Variants in FAM135A observed in about 807,000 individuals in gnomAD.
FAM135A encodes protein FAM135A.
A neutral mutation model predicts 146.8 loss-of-function variants in FAM135A; 79 were observed. The ratio of observed to expected loss-of-function variants is 0.54; its 90% confidence interval spans 0.45 to 0.65. The LOEUF (loss-of-function observed/expected upper bound fraction) is 0.65. FAM135A is among the 30% of genes least tolerant of loss of function. FAM135A has a pLI of 0.00. For synonymous variants in FAM135A, 562 were observed against 603.6 expected, an observed-to-expected ratio of 0.93 and a Z score of 1.01; for missense variants, 1,623 against 1,758.2, an observed-to-expected ratio of 0.92 and a Z score of 1.38.
chr6:70,483,152 C>A (rs1006082822), intron 10 of FAM135A, among the ~76,000 whole-genome samples: 2 of 152,102 alleles, frequency 1.3e-5, no homozygotes, highest in Admixed American at 1.3e-4. Flanking sequence ...AGAATTTCTA[C>A]CCCACTTAAA....
intron 7 of FAM135A, among the ~76,000 whole-genome samples, chr6:70,475,957 A>T (rs1782564765): frequency 6.6e-6 from 1 of 152,230 alleles, no homozygotes; most frequent in African/African-American, 2.4e-5. Context: ...GAAATATGGA[A>T]CAATTTTTCC....
In FAM135A at chr6:70,450,713, G is replaced by GTTTTTTTT. The variant is rs1192559967; in HGVS notation, c.78-1777_78-1776insTTTTTTTT. Among the ~76,000 whole-genome samples, 10 of 29,780 alleles carry GTTTTTTTT rather than the reference G, an allele frequency of 3.4e-4. 1 individual carries two copies. Among genetic ancestry groups the GTTTTTTTT allele is most frequent in the Non-Finnish European group, 9.8e-4 (10 of 10,200 alleles). The allele number at this position is 29,780 out of a possible 152,430, so 19.5% of individuals were successfully genotyped here. On this transcript the variant is annotated intron_variant, in intron 4 of 21. Coordinates refer to ENST00000418814, the MANE Select transcript of FAM135A (RefSeq NM_001162529.3). ...GAACTCAGGGAGTGTGACCCTTTTA[G>GTTTTTTTT]TTGTTTTTTTTTTTTTTTTTTTTTT...
chr6:70,498,119 T>A (rs1787724230), intron 11 of FAM135A, among the ~76,000 whole-genome samples: 1 of 152,172 alleles, frequency 6.6e-6, no homozygotes, highest in Non-Finnish European at 1.5e-5. Context: ...TTTTTTTGGT[T>A]GGTAGGCTGT....
At chr6:70,483,259 T>G (rs922868275) in intron 10 of FAM135A, among the ~76,000 whole-genome samples, 26 of 152,334 alleles carry the variant, frequency 1.7e-4, no homozygotes, top group African/African-American at 6.3e-4. Context: ...TCAGTTCAAC[T>G]CACACTTCTT....
chr6:70,533,961 C>A, intron 18 of FAM135A, 107 bp downstream of exon 18: 1 of 460,426 alleles, frequency 2.2e-6, no homozygotes, highest in Non-Finnish European at 3.6e-6. Flanking sequence ...TAGGAGACTA[C>A]AACTCAAATT....
intron 12 of FAM135A, among the ~76,000 whole-genome samples, chr6:70,516,952 T>A (rs1336168797): frequency 6.6e-6 from 1 of 152,174 alleles, no homozygotes; most frequent in Non-Finnish European, 1.5e-5. Flanking sequence ...AATGATGCAT[T>A]ATTTACTCAA....
intron 2 of FAM135A, among the ~76,000 whole-genome samples, chr6:70,416,129 T>C (rs1767502144): frequency 6.6e-6 from 1 of 152,188 alleles, no homozygotes; most frequent in Non-Finnish European, 1.5e-5. Context: ...TAGATAGATG[T>C]ACCAAATAAA....
chr6:70,445,247 G>A (rs1486505852), intron 4 of FAM135A, among the ~76,000 whole-genome samples: 14 of 152,184 alleles, frequency 9.2e-5, no homozygotes, highest in Admixed American at 8.5e-4. Context: ...TCAGCAGCAG[G>A]AATGAGTAGT....
rs755905667 is a variant in FAM135A, at chr6:70,522,503, A to G, written c.1030-10A>G. The stretch of plus-strand genomic sequence containing the variant: ...TCATGTTATTAATACTCTCCTTTGG[A>G]ATTTTTTAGGTACGCAGATTTTCTG... On this transcript the variant is annotated splice_polypyrimidine_tract_variant and intron_variant, in intron 12 of 21. Transcript: ENST00000418814. The G allele has an allele frequency of 1.9e-6, 3 of 1,612,142 alleles. No homozygotes were observed. Among genetic ancestry groups the G allele is most frequent in the South Asian group, 1.1e-5 (1 of 90,858 alleles).
intron 2 of FAM135A, among the ~76,000 whole-genome samples, chr6:70,420,911 C>T (rs754065983): frequency 3.3e-5 from 5 of 151,274 alleles, no homozygotes; most frequent in African/African-American, 1.2e-4. Flanking sequence ...GAGACAGAGT[C>T]TTACTGTGTC....
chr6:70,506,470 A>T (rs1022785543), intron 12 of FAM135A, among the ~76,000 whole-genome samples: 1 of 152,134 alleles, frequency 6.6e-6, no homozygotes, highest in African/African-American at 2.4e-5. Context: ...CATGGATGGT[A>T]TATGAATAAG....
intron 20 of FAM135A, among the ~76,000 whole-genome samples, chr6:70,553,871 A>G (rs556352006): frequency 6.6e-6 from 1 of 152,358 alleles, no homozygotes; most frequent in East Asian, 1.9e-4. Flanking sequence ...TGTACTACAT[A>G]TGAAGCAAGC....
intron 8 of FAM135A, among the ~76,000 whole-genome samples, chr6:70,479,093 A>G (rs1375334987): frequency 1.3e-5 from 2 of 152,112 alleles, no homozygotes; most frequent in South Asian, 2.1e-4. Context: ...TGTTTTAACT[A>G]TTTCTTTTTA....
chr6:70,455,430 A>G (rs904763181), intron 5 of FAM135A, among the ~76,000 whole-genome samples: 13 of 151,702 alleles, frequency 8.6e-5, no homozygotes, highest in African/African-American at 2.7e-4. Context: ...ATACATGTGT[A>G]TGTGTGTGTA....
At chr6:70,511,647 C>CACTTGTACAG (rs2128294242) in intron 12 of FAM135A, among the ~76,000 whole-genome samples, 1 of 151,984 alleles carries the variant, frequency 6.6e-6, no homozygotes, top group South Asian at 2.1e-4. Context: ...GTTGTATAAA[C>CACTTGTACAG]ACTTGTACAG....
chr6:70,474,331 T>G (rs1339163709), intron 5 of FAM135A, among the ~76,000 whole-genome samples: 1 of 152,074 alleles, frequency 6.6e-6, no homozygotes, highest in Non-Finnish European at 1.5e-5. Flanking sequence ...GGTAATAAGA[T>G]CATAACAGCA....
intron 10 of FAM135A, chr6:70,486,351 A>G (rs1297104770): frequency 3.2e-6 from 3 of 933,732 alleles, no homozygotes; most frequent in Non-Finnish European, 4.9e-6. Flanking sequence ...ATAATGTGGT[A>G]TGTTTCCACC....
At chr6:70,477,870 A>G (rs182454232) in intron 8 of FAM135A, among the ~76,000 whole-genome samples, 2 of 152,320 alleles carry the variant, frequency 1.3e-5, no homozygotes, top group East Asian at 3.8e-4. Context: ...TGGCTTGATA[A>G]CTTTTTTATT....
intron 12 of FAM135A, among the ~76,000 whole-genome samples, chr6:70,522,072 A>G (rs1012341929): frequency 6.6e-6 from 1 of 152,126 alleles, no homozygotes; most frequent in African/African-American, 2.4e-5. Context: ...ACCTGCCACC[A>G]TGCCCCACTA....
Sources: gnomAD v4.1 joint callset for allele counts (sites outside exome capture counted in the v4.1 genomes callset) on GRCh38, gnomAD v4.1.1 for gene constraint, MANE v1.5 for transcripts, NCBI Gene and HGNC (gene_info 2026-07-23, HGNC 2026-07-21) for gene names.